HSPA12A: variants seen among roughly 807,000 people sequenced by gnomAD.
HSPA12A encodes heat shock 70 kDa protein 12A.
In HSPA12A, 28 loss-of-function variants were observed where a neutral mutation model predicts 69.2. The observed-to-expected ratio is 0.40, with a 90% CI of 0.30 to 0.55. The LOEUF is 0.55. Ranked by LOEUF, HSPA12A falls within the 20% of genes least tolerant of loss-of-function variation. The probability of loss-of-function intolerance (pLI) is 0.38; values close to 1 mark genes in which losing one functional copy is unlikely to be tolerated. For missense variants in HSPA12A, 686 were observed against 900.7 expected, an observed-to-expected ratio of 0.76 and a Z score of 3.05; for synonymous variants, 345 against 370.5, an observed-to-expected ratio of 0.93 and a Z score of 0.79.
In HSPA12A at chr10:116,675,679, A is replaced by G. The variant is rs1849218020; in HGVS notation, c.1391-261T>C. 6.6e-6 allele frequency among the ~76,000 whole-genome samples: 1 copy of G among 152,230 alleles called. No individual in the cohort carries two copies. Among genetic ancestry groups the G allele is most frequent in the Non-Finnish European group, 1.5e-5 (1 of 68,042 alleles). On this transcript the variant is annotated intron_variant, in intron 11 of 11. Transcript: ENST00000369209. The surrounding 1 kb of genome is among the most constrained non-coding windows in gnomAD (Gnocchi z 5.2). ...TTAACAGATACATGGTGATAATTTT[A>G]AGTAGAATTTGGTTTGCATAAATGA...
chr10:116,838,325 C>T (rs1026452725), intron 1 of HSPA12A, among the ~76,000 whole-genome samples: 1 of 152,206 alleles, frequency 6.6e-6, no homozygotes, highest in African/African-American at 2.4e-5. Flanking sequence ...GCAGGGGTTG[C>T]TGGCCTGCTG....
chr10:116,676,393 A>G lies in HSPA12A; in HGVS notation c.1390+6T>C, dbSNP rs1849235396. On this transcript the variant is annotated splice_donor_region_variant and intron_variant, in intron 11 of 11. Coordinates refer to ENST00000369209, the MANE Select transcript of HSPA12A (RefSeq NM_025015.3). ...CGCCGAGTGGCCGAGCCTGGCTGAT[A>G]CTTACGGAGATGCTCAATGATGCTA... is the stretch of plus-strand genomic sequence containing the variant. 1 of 1,611,402 alleles carries G rather than the reference A, an allele frequency of 6.2e-7. No homozygotes were observed.
At chr10:116,790,092 C>CTTTTTTTTTT (rs140785704) in intron 2 of HSPA12A, among the ~76,000 whole-genome samples, 1 of 69,120 alleles carries the variant, frequency 1.4e-5, no homozygotes, top group Non-Finnish European at 2.6e-5. Flanking sequence ...GATAATCTTT[C>CTTTTTTTTTT]TTTTTTTTTT....
At chr10:116,692,002 T>G (rs1183439457) in intron 6 of HSPA12A, among the ~76,000 whole-genome samples, 1 of 152,230 alleles carries the variant, frequency 6.6e-6, no homozygotes, top group Non-Finnish European at 1.5e-5. Flanking sequence ...GCCTTTCCCT[T>G]AAGGTTCTCA....
chr10:116,778,361 A>T (rs1364772463), intron 2 of HSPA12A, among the ~76,000 whole-genome samples: 1 of 152,184 alleles, frequency 6.6e-6, no homozygotes, highest in Non-Finnish European at 1.5e-5. Context: ...TGGTGCTCTA[A>T]CAGCCGACCT....
At chr10:116,766,886 T>TA (rs1681332984) in intron 2 of HSPA12A, among the ~76,000 whole-genome samples, 1 of 152,172 alleles carries the variant, frequency 6.6e-6, no homozygotes, top group African/African-American at 2.4e-5. Context: ...CTGGCACCCG[T>TA]AGGGCCCCCA....
intron 3 of HSPA12A, 104 bp from the exon 4 acceptor site, chr10:116,701,233 G>A: frequency 1.9e-6 from 2 of 1,060,316 alleles, no homozygotes; most frequent in Admixed American, 4.4e-5. Context: ...AGTAATGTGG[G>A]TGCCCAGAGG....
chr10:116,757,439 C>G (rs1328389731), intron 2 of HSPA12A, among the ~76,000 whole-genome samples: 1 of 152,122 alleles, frequency 6.6e-6, no homozygotes, highest in Admixed American at 6.5e-5. Flanking sequence ...ACAACCAGGC[C>G]CCTCTCCCAA....
intron 6 of HSPA12A, among the ~76,000 whole-genome samples, chr10:116,689,955 AT>A (rs1849690333): frequency 1.3e-5 from 2 of 152,230 alleles, no homozygotes; most frequent in African/African-American, 2.4e-5. Context: ...TGCTCAGTTT[AT>A]TGATTTAAAT....
chr10:116,744,538 G>T (rs147498730), upstream of HSPA12A, among the ~76,000 whole-genome samples: 311 of 152,370 alleles, frequency 2.0e-3, 2 homozygotes, highest in African/African-American at 7.0e-3. Flanking sequence ...GGGTGCGTGA[G>T]AAGGATGGGA....
rs1397920689 is a variant in HSPA12A at position 116,675,260 on chromosome 10, C to T, written c.1549G>A (p.Gly517Ser). ...GGGTCCAGGCCAAAGAGGACGGCAC[C>T]CTTGAGGATGGTGAGGCCCACGTCC... The part of the protein sequence containing the change: ...PQDVGLTILK[G>S]AVLFGLDPAV... Residue 517 changes from glycine to serine, a missense_variant, in exon 12 of 12, where the codon GGT becomes AGT. Physicochemically the swap from Gly to Ser is moderately conservative, Grantham distance 56. Coordinates refer to ENST00000369209, the MANE Select transcript of HSPA12A (RefSeq NM_025015.3). The surrounding 1 kb of genome is among the most constrained non-coding windows in gnomAD (Gnocchi z 5.2). The T allele has an allele frequency of 3.1e-6, 5 of 1,613,646 alleles. No homozygotes were observed. Among genetic ancestry groups the T allele is most frequent in the South Asian group, 1.1e-5 (1 of 91,068 alleles).
chr10:116,708,684 G>A (rs2132990374), intron 1 of HSPA12A, among the ~76,000 whole-genome samples: 1 of 152,328 alleles, frequency 6.6e-6, no homozygotes, highest in South Asian at 2.1e-4. Context: ...GAGAGGCACA[G>A]TCCAGTAATT....
chr10:116,823,597 A>T (rs943900449), intron 2 of HSPA12A, among the ~76,000 whole-genome samples: 2 of 152,224 alleles, frequency 1.3e-5, no homozygotes, highest in Admixed American at 6.5e-5. Context: ...ATAAACCCTC[A>T]CATGTATAGT....
intron 7 of HSPA12A, 23 bp downstream of exon 7, chr10:116,683,768 G>C (rs782200271): frequency 3.3e-6 from 5 of 1,499,608 alleles, no homozygotes; most frequent in South Asian, 2.7e-5. Context: ...AGAGCAGGAG[G>C]GGGAGAGAGA....
intron 2 of HSPA12A, among the ~76,000 whole-genome samples, chr10:116,775,183 T>C (rs1844308406): frequency 6.6e-6 from 1 of 152,252 alleles, no homozygotes; most frequent in Non-Finnish European, 1.5e-5. Flanking sequence ...AACGTGCGAG[T>C]TCCTTATATC....
At chr10:116,848,957 G>T (rs118113617) in intron 1 of HSPA12A, among the ~76,000 whole-genome samples, 1 of 152,316 alleles carries the variant, frequency 6.6e-6, no homozygotes, top group Admixed American at 6.5e-5. Flanking sequence ...GGCCCAGCCA[G>T]CACACGGCTC....
rs1554882961 is a variant in HSPA12A, at chr10:116,710,656, A to G, written c.41-3371T>C. ...TGGACTTTTTCCATCAGAAGTTAAA[A>G]TTCAGCTACACTGTGCAATGATTGA... On this transcript the variant is annotated intron_variant, in intron 1 of 11. Coordinates refer to ENST00000369209, the MANE Select transcript of HSPA12A (RefSeq NM_025015.3). The surrounding 1 kb of genome is among the most constrained non-coding windows in gnomAD (Gnocchi z 4.1). Among the ~76,000 whole-genome samples, 4 of 152,238 alleles carry G rather than the reference A, an allele frequency of 2.6e-5. No homozygotes were observed. Among genetic ancestry groups the G allele is most frequent in the Non-Finnish European group, 5.9e-5 (4 of 68,040 alleles).
rs573306063 is a variant in HSPA12A, at chr10:116,684,985, G to A, written c.664-1023C>T. On this transcript the variant is annotated intron_variant, in intron 6 of 11. Coordinates refer to ENST00000369209, the MANE Select transcript of HSPA12A (RefSeq NM_025015.3). Reference sequence around the variant, plus strand: ...ACCTCTCATGGCCTTGAGCTGCAGCGGGAGGCCCCACTTGCTTCTGGAAAC... The same window carrying A: ...ACCTCTCATGGCCTTGAGCTGCAGCAGGAGGCCCCACTTGCTTCTGGAAAC... 7.9e-5 allele frequency among the ~76,000 whole-genome samples: 12 copies of A among 152,282 alleles called. No homozygotes were observed. The South Asian group carries it at 1.2e-3, about 16-fold the overall frequency.
intron 2 of HSPA12A, among the ~76,000 whole-genome samples, chr10:116,822,659 A>G (rs1297754238): frequency 6.6e-6 from 1 of 152,170 alleles, no homozygotes; most frequent in Admixed American, 6.5e-5. Flanking sequence ...TCTCAGAGAG[A>G]GGTTCTGAAT....
Sources: gnomAD v4.1 joint callset for allele counts (sites outside exome capture counted in the v4.1 genomes callset) on GRCh38, gnomAD v4.1.1 for gene constraint, Gnocchi (gnomAD v3.1) non-coding constraint, MANE v1.5 for transcripts, NCBI Gene and HGNC (gene_info 2026-07-23, HGNC 2026-07-21) for gene names.